RASAL2: variants seen among roughly 807,000 people sequenced by gnomAD.
RASAL2 encodes the protein ras GTPase-activating protein nGAP.
Under a neutral mutation model 128.9 loss-of-function variants are expected in RASAL2, and 58 were observed. The ratio of observed to expected loss-of-function variants is 0.45; its 90% CI spans 0.36 to 0.56. The LOEUF (loss-of-function observed/expected upper bound fraction) is 0.56, where lower values mean the gene tolerates loss of function less well. Ranked by LOEUF, RASAL2 falls within the 20% of genes least tolerant of loss-of-function variation. RASAL2 has a pLI of 0.00. For missense variants in RASAL2, 1,360 were observed against 1,601.6 expected, an observed-to-expected ratio of 0.85 and a Z score of 2.57; for synonymous variants, 561 against 580.8, an observed-to-expected ratio of 0.97 and a Z score of 0.49.
chr1:178,309,650 A>G (rs1031381450), intron 3 of RASAL2, among the ~76,000 whole-genome samples: 2 of 152,170 alleles, frequency 1.3e-5, no homozygotes, highest in Non-Finnish European at 2.9e-5. Flanking sequence ...CTGTTATAAT[A>G]TGACATACAG....
At chr1:178,333,756 G>A in intron 3 of RASAL2, among the ~76,000 whole-genome samples, 1 of 152,246 alleles carries the variant, frequency 6.6e-6, no homozygotes. Flanking sequence ...CATAATTCTT[G>A]ACTATACTAA....
chr1:178,118,758 A>G lies in RASAL2; in HGVS notation c.202+24064A>G, dbSNP rs546557187. Among the ~76,000 whole-genome samples the G allele has an allele frequency of 3.3e-5, 5 of 152,344 alleles. No individual in the cohort carries two copies. In the South Asian group the frequency reaches 1.0e-3, roughly 32 times the overall value. ...ATAGTTCCAGTTTGGCTTTGAATGC[A>G]GCCACTTTATCTGCTGACTTGAACA... On this transcript the variant is annotated intron_variant, in intron 1 of 17. Coordinates refer to ENST00000367649, the MANE Select transcript of RASAL2 (RefSeq NM_170692.4).
intron 1 of RASAL2, among the ~76,000 whole-genome samples, chr1:178,128,156 A>T (rs1002573456): frequency 7.9e-5 from 12 of 152,086 alleles, no homozygotes; most frequent in Admixed American, 5.9e-4. Flanking sequence ...AGTATTTATG[A>T]TCTCTTTGGT....
At chr1:178,366,671 G>A (rs1485891102) in intron 3 of RASAL2, among the ~76,000 whole-genome samples, 1 of 133,346 alleles carries the variant, frequency 7.5e-6, no homozygotes, top group African/African-American at 2.9e-5. Flanking sequence ...ACAAAAACTT[G>A]TACACAAATT....
rs1384317559 is a variant in RASAL2 at position 178,451,147 on chromosome 1, G to A, written c.1628-424G>A. Among the ~76,000 whole-genome samples, 3 of 152,256 alleles carry A rather than the reference G, an allele frequency of 2.0e-5. No homozygotes were observed. In the East Asian group the frequency reaches 5.8e-4, roughly 29 times the overall value. The stretch of plus-strand genomic sequence containing the variant: ...GCATCCGTGTTTGGCACCAACATTA[G>A]CACTTAAAACCTTCACTGGACTATT... On this transcript the variant is annotated intron_variant, in intron 9 of 17. Transcript: ENST00000367649.
chr1:178,289,961 A>G (rs1667203181), intron 2 of RASAL2, among the ~76,000 whole-genome samples: 1 of 152,096 alleles, frequency 6.6e-6, no homozygotes. Flanking sequence ...CTTTGCTTAC[A>G]TACCACATAC....
chr1:178,460,899 C>T (rs759783064), intron 14 of RASAL2, among the ~76,000 whole-genome samples: 13 of 151,948 alleles, frequency 8.6e-5, no homozygotes, highest in Non-Finnish European at 1.0e-4. Flanking sequence ...CTGTAACTTC[C>T]GCCTCCCAGG....
At chr1:178,236,810 C>G (rs979771705) in intron 1 of RASAL2, among the ~76,000 whole-genome samples, 3 of 140,622 alleles carry the variant, frequency 2.1e-5, no homozygotes, top group Non-Finnish European at 4.5e-5. Flanking sequence ...GTCACCCAGG[C>G]TGGAGGCCAG....
intron 5 of RASAL2, among the ~76,000 whole-genome samples, chr1:178,428,322 G>A (rs377413267): frequency 1.4e-3 from 207 of 152,024 alleles, no homozygotes; most frequent in African/African-American, 4.8e-3. Context: ...GGGTTCTATG[G>A]TATGTACATG....
At chr1:178,279,564 A>G (rs1163719178) in intron 1 of RASAL2, among the ~76,000 whole-genome samples, 1 of 152,060 alleles carries the variant, frequency 6.6e-6, no homozygotes, top group African/African-American at 2.4e-5. Context: ...GGTTTTTAGC[A>G]TGTGGTCTGT....
At chr1:178,306,169 T>C (rs1258668188) in intron 3 of RASAL2, among the ~76,000 whole-genome samples, 2 of 152,238 alleles carry the variant, frequency 1.3e-5, no homozygotes, top group African/African-American at 4.8e-5. Flanking sequence ...GTTCTTGCGA[T>C]AGTTTACTGA....
chr1:178,386,163 A>G (rs189427183), intron 3 of RASAL2, among the ~76,000 whole-genome samples: 3 of 152,310 alleles, frequency 2.0e-5, no homozygotes, highest in South Asian at 2.1e-4. Flanking sequence ...ATTTGCCCCT[A>G]TAATTATCCA....
intron 1 of RASAL2, among the ~76,000 whole-genome samples, chr1:178,255,703 G>T (rs1239271667): frequency 1.3e-5 from 2 of 151,788 alleles, no homozygotes; most frequent in Middle Eastern, 3.2e-3. Flanking sequence ...TTTAAAAAAT[G>T]AAAAATAACT....
At chr1:178,361,361 A>T (rs1671098070) in intron 3 of RASAL2, among the ~76,000 whole-genome samples, 1 of 152,224 alleles carries the variant, frequency 6.6e-6, no homozygotes, top group East Asian at 1.9e-4. Context: ...TGTATTGAAC[A>T]TTTTTTATAA....
rs1167959194 is a variant in RASAL2 at position 178,244,522 on chromosome 1, T to A, written c.203-39042T>A. 3.9e-5 allele frequency among the ~76,000 whole-genome samples: 6 copies of A among 152,362 alleles called. No individual in the cohort carries two copies. In the East Asian group the frequency reaches 9.6e-4, roughly 24 times the overall value. On this transcript the variant is annotated intron_variant, in intron 1 of 17. Transcript: ENST00000367649. ...TCCCAAAGTGCTGGGATTACAGGCG[T>A]GAGCCACTGTGCCCAGCCTATTTCT...
At chr1:178,122,195 T>C (rs1659741889) in intron 1 of RASAL2, among the ~76,000 whole-genome samples, 1 of 152,204 alleles carries the variant, frequency 6.6e-6, no homozygotes, top group African/African-American at 2.4e-5. Context: ...ATTCATGAAA[T>C]GTGCATTAAA....
chr1:178,247,676 G>C (rs1664836386), intron 1 of RASAL2, among the ~76,000 whole-genome samples: 1 of 152,044 alleles, frequency 6.6e-6, no homozygotes, highest in African/African-American at 2.4e-5. Flanking sequence ...GTTGATTTTA[G>C]ATCTTTCCCA....
chr1:178,185,717 C>G (rs556646496), intron 1 of RASAL2, among the ~76,000 whole-genome samples: 2 of 152,106 alleles, frequency 1.3e-5, no homozygotes, highest in South Asian at 2.1e-4. Context: ...GTTGAACCAG[C>G]CTTGCACACC....
intron 1 of RASAL2, among the ~76,000 whole-genome samples, chr1:178,175,067 G>A (rs1036993402): frequency 6.6e-6 from 1 of 152,084 alleles, no homozygotes; most frequent in Non-Finnish European, 1.5e-5. Flanking sequence ...TCACTGAATT[G>A]ACTATTGCCT....
Sources: allele counts gnomAD v4.1 joint callset (sites outside exome capture counted in the v4.1 genomes callset), GRCh38; gene constraint gnomAD v4.1.1; transcripts MANE v1.5; gene names NCBI Gene and HGNC (gene_info 2026-07-23, HGNC 2026-07-21).